GARNL3: variants seen among roughly 807,000 people sequenced by gnomAD.
The protein encoded by GARNL3 is GTPase-activating Rap/Ran-GAP domain-like protein 3.
In GARNL3, 63 loss-of-function variants were observed where a neutral mutation model predicts 125.0. The observed-to-expected ratio is 0.50, with a 90% confidence interval of 0.41 to 0.62. GARNL3 has a LOEUF of 0.62. Ranked by LOEUF, GARNL3 falls within the 20% of genes least tolerant of loss-of-function variation. The pLI is 0.00. For missense variants in GARNL3, 994 were observed against 1,244.0 expected (o/e 0.80, Z 3.02); for synonymous variants, 439 against 457.5 (o/e 0.96, Z 0.52).
rs745822323 is a variant in GARNL3 at position 127,264,915 on chromosome 9, C to T, written c.38C>T (p.Ser13Leu). The change falls in exon 1 of 28, where the codon TCG becomes TTG. Residue 13 changes from serine (S) to leucine (L), a missense_variant. This residue lies in a region of GARNL3 where 37 missense variants were observed against 34.2 expected (regional missense o/e 1.08). Coordinates refer to ENST00000373387, the MANE Select transcript of GARNL3 (RefSeq NM_032293.5). ...TTTTGCAGAAGGTTTGTGGCCAGATCGCTATGTATAATACTGATGAAGCAT... is the reference window on the plus strand; with the variant it reads ...TTTTGCAGAAGGTTTGTGGCCAGATTGCTATGTATAATACTGATGAAGCAT... The part of the protein sequence containing the change: ...VDFCRRFVAR[S>L]LCIILMKHFC... 2.5e-6 allele frequency: 4 copies of T among 1,601,848 alleles called. No individual in the cohort carries two copies. The highest frequency in any genetic ancestry group is 2.7e-5 in the African/African-American group (2 of 74,360).
intron 5 of GARNL3, among the ~76,000 whole-genome samples, chr9:127,320,001 C>T (rs1460096464): frequency 6.6e-6 from 1 of 152,146 alleles, no homozygotes; most frequent in East Asian, 1.9e-4. Flanking sequence ...AACTTGAAAA[C>T]TTAAAAGGAA....
At chr9:127,245,140 A>G (rs2063275061) in intron 2 of GARNL3, among the ~76,000 whole-genome samples, 1 of 152,184 alleles carries the variant, frequency 6.6e-6, no homozygotes, top group Non-Finnish European at 1.5e-5. Flanking sequence ...TGGAGCTCCG[A>G]GCAGGAGTTA....
chr9:127,359,489 CAA>C (rs138594521), intron 21 of GARNL3, among the ~76,000 whole-genome samples: 31 of 144,896 alleles, frequency 2.1e-4, no homozygotes, highest in Non-Finnish European at 2.7e-4. Context: ...ACTCCGTCTC[CAA>C]AAAAAAAAAA....
intron 5 of GARNL3, among the ~76,000 whole-genome samples, chr9:127,318,418 A>G (rs116904088): frequency 2.6e-5 from 4 of 152,308 alleles, no homozygotes; most frequent in Non-Finnish European, 2.9e-5. Context: ...TCCAGGTCCA[A>G]CTGATTTTGA....
chr9:127,263,166 G>T (rs184702782), upstream of GARNL3, among the ~76,000 whole-genome samples: 1 of 152,326 alleles, frequency 6.6e-6, no homozygotes, highest in East Asian at 1.9e-4. Context: ...ATCTAAGGAA[G>T]GTGGTGGGTC....
At chr9:127,258,414 T>A (rs1298640211) in intron 2 of GARNL3, among the ~76,000 whole-genome samples, 1 of 152,078 alleles carries the variant, frequency 6.6e-6, no homozygotes, top group East Asian at 1.9e-4. Context: ...CCGAAGCAGA[T>A]GGATTGCTTG....
chr9:127,360,270 C>T (rs187880701), intron 21 of GARNL3, among the ~76,000 whole-genome samples: 1 of 152,140 alleles, frequency 6.6e-6, no homozygotes, highest in Non-Finnish European at 1.5e-5. Context: ...ATCCCGCCCA[C>T]CTTGGCCTCC....
At chr9:127,321,936 G>A (rs2065417573) in intron 6 of GARNL3, among the ~76,000 whole-genome samples, 1 of 152,156 alleles carries the variant, frequency 6.6e-6, no homozygotes, top group Non-Finnish European at 1.5e-5. Context: ...AATACGGTTA[G>A]CTTTTAAAAT....
chr9:127,345,425 T>A lies in GARNL3; in HGVS notation c.1379T>A (p.Val460Glu), dbSNP rs778196800. ...IGQALKLKSIVRGDAPSSLAA... is the reference protein window; with the variant it reads ...IGQALKLKSIERGDAPSSLAA... ...AAGGCACTAAAACTGAAATCCATTG[T>A]GAGAGGGGATGCTCCATCAAGCTTG... The change falls in exon 16 of 28, where the codon GTG (valine) becomes GAG (glutamate). Residue 460 changes from valine (V) to glutamate (E), a missense_variant. Physicochemically the swap from Val to Glu is moderately radical, Grantham distance 121. Coordinates refer to ENST00000373387, the MANE Select transcript of GARNL3 (RefSeq NM_032293.5). The A allele has an allele frequency of 6.2e-7, 1 of 1,606,854 alleles. No individual in the cohort carries two copies. Among genetic ancestry groups the A allele is most frequent in the Non-Finnish European group, 8.5e-7 (1 of 1,176,642 alleles).
At chr9:127,232,128 T>C (rs1206598608) in intron 1 of GARNL3, among the ~76,000 whole-genome samples, 1 of 152,194 alleles carries the variant, frequency 6.6e-6, no homozygotes, top group Admixed American at 6.5e-5. Flanking sequence ...AAGTCAAAGC[T>C]TGCCTCATTA....
exon 2 of GARNL3, chr9:127,243,151 A>G (rs755631731): frequency 7.3e-7 from 1 of 1,366,206 alleles, no homozygotes; most frequent in South Asian, 1.1e-5. Context: ...AGATAGCACA[A>G]ACCATTCTAT....
At chr9:127,304,571 T>C (rs2064895683) in intron 2 of GARNL3, among the ~76,000 whole-genome samples, 1 of 131,214 alleles carries the variant, frequency 7.6e-6, no homozygotes, top group African/African-American at 2.8e-5. Flanking sequence ...AGTCTCACTC[T>C]GTCACCCAGG....
chr9:127,290,270 A>C (rs1382327805), intron 1 of GARNL3, among the ~76,000 whole-genome samples: 1 of 149,294 alleles, frequency 6.7e-6, no homozygotes, highest in East Asian at 1.9e-4. Context: ...AATTCATTGC[A>C]GTTTTTCCCT....
intron 6 of GARNL3, among the ~76,000 whole-genome samples, 152 bp from the exon 7 acceptor site, chr9:127,324,916 GT>G (rs899487739): frequency 6.6e-6 from 1 of 152,126 alleles, no homozygotes; most frequent in African/African-American, 2.4e-5. Context: ...TCATAGTTGG[GT>G]TTTTTTCCCC....
chr9:127,256,851 G>T (rs2063503630), intron 2 of GARNL3, among the ~76,000 whole-genome samples: 1 of 152,124 alleles, frequency 6.6e-6, no homozygotes, highest in Non-Finnish European at 1.5e-5. Context: ...GTTTAGATTT[G>T]CCCAGTTTTA....
At chr9:127,352,699 A>G (rs1228300179) in intron 17 of GARNL3, among the ~76,000 whole-genome samples, 1 of 152,172 alleles carries the variant, frequency 6.6e-6, no homozygotes, top group Non-Finnish European at 1.5e-5. Context: ...AGAGGCCTGC[A>G]GGAGTGGGAG....
At chr9:127,357,622 C>T (rs1192041517) in intron 21 of GARNL3, among the ~76,000 whole-genome samples, 2 of 152,082 alleles carry the variant, frequency 1.3e-5, no homozygotes, top group African/African-American at 4.8e-5. Context: ...CTTTCCTTGC[C>T]ATTCCATCCT....
intron 4 of GARNL3, among the ~76,000 whole-genome samples, chr9:127,315,722 A>ACT (rs1333826826): frequency 6.6e-6 from 1 of 152,160 alleles, no homozygotes; most frequent in Non-Finnish European, 1.5e-5. Flanking sequence ...GCATATCTCT[A>ACT]CTGTGTTTCT....
chr9:127,328,189 T>A, intron 7 of GARNL3, among the ~76,000 whole-genome samples: 1 of 152,348 alleles, frequency 6.6e-6, no homozygotes, highest in East Asian at 1.9e-4. Flanking sequence ...AATAAGTTGC[T>A]GATCTCTTTA....
Sources: gnomAD v4.1 joint callset for allele counts (sites outside exome capture counted in the v4.1 genomes callset) on GRCh38, gnomAD v4.1.1 for gene constraint, gnomAD v4.1.1 regional missense constraint, MANE v1.5 for transcripts, NCBI Gene and HGNC (gene_info 2026-07-23, HGNC 2026-07-21) for gene names.